HERC3: variants seen among roughly 807,000 people sequenced by gnomAD.
HERC3 encodes HECT and RLD domain containing E3 ubiquitin protein ligase 3.
In HERC3, 58 loss-of-function variants were observed where a neutral mutation model predicts 129.9. The observed-to-expected ratio is 0.45, with a 90% CI of 0.36 to 0.56. The LOEUF (loss-of-function observed/expected upper bound fraction) is 0.56, where lower values mean the gene tolerates loss of function less well. Among genes scored for constraint, HERC3 ranks in the 20% least tolerant of loss-of-function variants. HERC3 has a pLI of 0.00. For missense variants in HERC3, 835 were observed against 1,244.2 expected, an observed-to-expected ratio of 0.67 and a Z score of 4.95; for synonymous variants, 430 against 451.0, an observed-to-expected ratio of 0.95 and a Z score of 0.59.
chr4:88,601,822 C>T (rs887968583), intron 2 of HERC3, among the ~76,000 whole-genome samples: 5 of 91,706 alleles, frequency 5.5e-5, no homozygotes, highest in Admixed American at 1.8e-4. Context: ...TTTGGGAGGC[C>T]GAGGCGGGCG....
intron 9 of HERC3, among the ~76,000 whole-genome samples, chr4:88,658,067 C>T (rs1463616066): frequency 6.6e-6 from 1 of 152,158 alleles, no homozygotes; most frequent in Non-Finnish European, 1.5e-5. Flanking sequence ...CTGGGCCCAC[C>T]ACACTCACAT....
intron 11 of HERC3, 48 bp from the exon 12 acceptor site, chr4:88,664,105 T>C: frequency 2.7e-6 from 4 of 1,500,014 alleles, no homozygotes; most frequent in Non-Finnish European, 3.7e-6. Flanking sequence ...AATAACCATT[T>C]ATTTGTAATT....
intron 3 of HERC3, among the ~76,000 whole-genome samples, chr4:88,611,290 TG>T: frequency 6.6e-6 from 1 of 152,244 alleles, no homozygotes; most frequent in Non-Finnish European, 1.5e-5. Context: ...TTTTAATGAG[TG>T]GGAAGAAGAG....
chr4:88,548,549 T>C, the HERC3 span, among the ~76,000 whole-genome samples: 1 of 152,172 alleles, frequency 6.6e-6, no homozygotes, highest in Non-Finnish European at 1.5e-5. Context: ...AATTGGGTTG[T>C]CTTTTTATTA....
At chr4:88,696,907 T>C in intron 23 of HERC3, 1 of 337,258 alleles carries the variant, frequency 3.0e-6, no homozygotes, top group Admixed American at 4.6e-5. Flanking sequence ...TCGCATCTGC[T>C]AACACCCTTT....
At chr4:88,692,751 C>T (rs762274758) in intron 23 of HERC3, 63 of 226,428 alleles carry the variant, frequency 2.8e-4, no homozygotes, top group Non-Finnish European at 4.3e-4. Flanking sequence ...TCTTGTTCAA[C>T]GTTACACAGC....
At chr4:88,654,587 A>G (rs925564590) in intron 7 of HERC3, among the ~76,000 whole-genome samples, 5 of 149,780 alleles carry the variant, frequency 3.3e-5, no homozygotes, top group African/African-American at 1.2e-4. Flanking sequence ...ATGATGTCCT[A>G]TGTTCCTTTA....
In HERC3 at chr4:88,681,479, A is replaced by T. The variant is rs116916025; in HGVS notation, c.2507+154A>T. On this transcript the variant is annotated intron_variant, in intron 21 of 25. Coordinates refer to ENST00000402738, the MANE Select transcript of HERC3 (RefSeq NM_014606.3). ...TGTTTTGTCTAAGATGTAGCTGTGC[A>T]GCTACTTGCTTGAGACATTGCCTGT... Among the ~76,000 whole-genome samples the T allele has an allele frequency of 7.7e-4, 118 of 152,348 alleles. 1 individual carries two copies. The East Asian group carries it at 0.02, about 26-fold the overall frequency.
At chr4:88,540,493 G>A in the HERC3 span, among the ~76,000 whole-genome samples, 1 of 152,214 alleles carries the variant, frequency 6.6e-6, no homozygotes, top group African/African-American at 2.4e-5. Context: ...AAGTGACAGG[G>A]AGAATGGAAC....
At chr4:88,535,316 A>G in the HERC3 span, among the ~76,000 whole-genome samples, 2 of 152,214 alleles carry the variant, frequency 1.3e-5, no homozygotes, top group East Asian at 1.9e-4. Flanking sequence ...TTTCATTGCA[A>G]TGGAAAATAC....
chr4:88,540,954 G>C, the HERC3 span, among the ~76,000 whole-genome samples: 1 of 152,138 alleles, frequency 6.6e-6, no homozygotes, highest in Non-Finnish European at 1.5e-5. Flanking sequence ...ACTAAATATC[G>C]AAAGGAACAA....
chr4:88,645,056 A>G (rs1728542886), intron 3 of HERC3, among the ~76,000 whole-genome samples: 1 of 152,090 alleles, frequency 6.6e-6, no homozygotes, highest in Admixed American at 6.6e-5. Flanking sequence ...GATGTACAAT[A>G]TTTTGTTTTG....
the HERC3 span, among the ~76,000 whole-genome samples, chr4:88,558,690 G>A: frequency 3.3e-5 from 5 of 152,038 alleles, no homozygotes; most frequent in African/African-American, 1.2e-4. Flanking sequence ...GAGGCCAGGC[G>A]CGGTGGCTCA....
At chr4:88,533,485 G>A in the HERC3 span, among the ~76,000 whole-genome samples, 2 of 152,240 alleles carry the variant, frequency 1.3e-5, no homozygotes, top group South Asian at 2.1e-4. Context: ...GAGGCAAAAC[G>A]ATGTCACCTG....
chr4:88,686,585 A>G (rs1330648636), intron 21 of HERC3, 151 bp from the exon 22 acceptor site: 5 of 560,378 alleles, frequency 8.9e-6, no homozygotes, highest in African/African-American at 3.8e-5. Flanking sequence ...GTGTAGGTAC[A>G]TGATTTTCTG....
chr4:88,527,830 C>T, the HERC3 span: 44 of 326,754 alleles, frequency 1.3e-4, no homozygotes, highest in East Asian at 2.3e-3. Flanking sequence ...TGTTTACGAA[C>T]GGAAGCTGAA....
At chr4:88,681,346 T>G (rs1188829602) in intron 21 of HERC3, 21 bp downstream of exon 21, 3 of 1,599,210 alleles carry the variant, frequency 1.9e-6, no homozygotes, top group East Asian at 2.2e-5. Flanking sequence ...AAAAGGCGAT[T>G]GGTATCTGAA....
chr4:88,532,699 G>T, the HERC3 span, among the ~76,000 whole-genome samples: 1 of 152,010 alleles, frequency 6.6e-6, no homozygotes, highest in Non-Finnish European at 1.5e-5. Flanking sequence ...GAAAATAAAA[G>T]GTCCTGATCA....
intron 12 of HERC3, among the ~76,000 whole-genome samples, chr4:88,667,034 CA>C (rs1225224992): frequency 3.3e-5 from 5 of 152,010 alleles, no homozygotes; most frequent in Non-Finnish European, 7.4e-5. Context: ...CCAAAAAACA[CA>C]AGATGAAATC....
Sources: gnomAD v4.1 joint callset for allele counts (sites outside exome capture counted in the v4.1 genomes callset) on GRCh38, gnomAD v4.1.1 for gene constraint, MANE v1.5 for transcripts, NCBI Gene and HGNC (gene_info 2026-07-23, HGNC 2026-07-21) for gene names.